TJP1: variants seen among roughly 807,000 people sequenced by gnomAD.
TJP1 encodes tight junction protein ZO-1.
TJP1 carries 43 observed loss-of-function variants against 194.2 expected under a neutral mutation model. The ratio of observed to expected loss-of-function variants is 0.22; its 90% CI spans 0.17 to 0.29. TJP1 has a LOEUF of 0.29. TJP1 is among the 10% of genes least tolerant of loss of function. The pLI is 1.00. For synonymous variants in TJP1, 801 were observed against 779.0 expected (o/e 1.03, Z -0.47); for missense variants, 1,971 against 2,185.7 (o/e 0.90, Z 1.96).
chr15:29,809,983 T>C (rs902733073), intron 1 of TJP1, among the ~76,000 whole-genome samples: 1 of 152,238 alleles, frequency 6.6e-6, no homozygotes, highest in African/African-American at 2.4e-5. Context: ...GAGTATTCCA[T>C]TCTATCTCTT....
At chr15:29,892,053 A>C (rs970014890) in intron 2 of TJP1, among the ~76,000 whole-genome samples, 1 of 152,294 alleles carries the variant, frequency 6.6e-6, no homozygotes, top group Non-Finnish European at 1.5e-5. Flanking sequence ...TATGAATGCA[A>C]AGGAAAAGTT....
chr15:29,835,812 T>G, intron 2 of TJP1, among the ~76,000 whole-genome samples: 1 of 152,108 alleles, frequency 6.6e-6, no homozygotes, highest in Non-Finnish European at 1.5e-5. Flanking sequence ...TTAGCAACAT[T>G]TAGCATACTT....
chr15:29,853,354 G>A (rs1431372131), intron 2 of TJP1, among the ~76,000 whole-genome samples: 1 of 152,152 alleles, frequency 6.6e-6, no homozygotes, highest in East Asian at 1.9e-4. Flanking sequence ...GTAGATACGT[G>A]AACCAATGCA....
chr15:29,943,935 G>A (rs993246040), intron 2 of TJP1, among the ~76,000 whole-genome samples: 3 of 151,860 alleles, frequency 2.0e-5, no homozygotes, highest in Non-Finnish European at 4.4e-5. Context: ...GTGACGGAGC[G>A]AGACTCCATC....
chr15:29,777,002 C>T (rs1364082614), intron 2 of TJP1, among the ~76,000 whole-genome samples: 1 of 152,022 alleles, frequency 6.6e-6, no homozygotes, highest in African/African-American at 2.4e-5. Flanking sequence ...AACAATTGTT[C>T]AAGTAAAAGT....
At chr15:29,961,388 C>CCGGACTG (rs1221005010) in intron 1 of TJP1, among the ~76,000 whole-genome samples, 2 of 119,706 alleles carry the variant, frequency 1.7e-5, no homozygotes, top group African/African-American at 6.3e-5. Flanking sequence ...GTCGCCCAGG[C>CCGGACTG]CGGACTGCGG....
intron 3 of TJP1, 68 bp downstream of exon 3, chr15:29,773,165 A>C: frequency 6.3e-7 from 1 of 1,583,616 alleles, no homozygotes; most frequent in Non-Finnish European, 8.6e-7. Flanking sequence ...AGTGTAAGAC[A>C]GTACGCCAGT....
At chr15:29,865,615 C>T (rs1029413971) in intron 2 of TJP1, among the ~76,000 whole-genome samples, 2 of 152,122 alleles carry the variant, frequency 1.3e-5, no homozygotes, top group Non-Finnish European at 2.9e-5. Flanking sequence ...ATATGTAGAA[C>T]ATCTGCAAAC....
intron 2 of TJP1, among the ~76,000 whole-genome samples, chr15:29,777,594 A>G (rs1320183639): frequency 6.6e-6 from 1 of 152,226 alleles, no homozygotes; most frequent in African/African-American, 2.4e-5. Context: ...CAGAAACATT[A>G]AAGTATAACA....
At chr15:29,868,958 C>A (rs1353491665) in intron 2 of TJP1, among the ~76,000 whole-genome samples, 1 of 151,844 alleles carries the variant, frequency 6.6e-6, no homozygotes, top group East Asian at 1.9e-4. Flanking sequence ...ATCACAACAA[C>A]AAATTAAAAA....
At chr15:29,799,559 C>T (rs2048644579) in intron 2 of TJP1, among the ~76,000 whole-genome samples, 2 of 151,882 alleles carry the variant, frequency 1.3e-5, no homozygotes, top group Non-Finnish European at 2.9e-5. Flanking sequence ...GGACTACAGG[C>T]ACCCGCCACC....
At chr15:29,851,372 CT>C in intron 2 of TJP1, among the ~76,000 whole-genome samples, 2 of 150,762 alleles carry the variant, frequency 1.3e-5, no homozygotes, top group Middle Eastern at 6.8e-3. Flanking sequence ...AATTTGATAA[CT>C]CAGAAGAAAT....
chr15:29,961,662 G>C (rs1274875408), intron 1 of TJP1, among the ~76,000 whole-genome samples: 1 of 152,108 alleles, frequency 6.6e-6, no homozygotes, highest in East Asian at 1.9e-4. Context: ...ACCCCTACCG[G>C]ATGAACACAG....
At chr15:29,811,921 CATAA>C (rs1040457593) in intron 1 of TJP1, among the ~76,000 whole-genome samples, 2 of 152,140 alleles carry the variant, frequency 1.3e-5, no homozygotes, top group African/African-American at 2.4e-5. Context: ...AACCTTTGTC[CATAA>C]ATAAACAAGT....
At chr15:29,863,226 G>A (rs1461122325) in intron 2 of TJP1, among the ~76,000 whole-genome samples, 1 of 151,938 alleles carries the variant, frequency 6.6e-6, no homozygotes, top group Non-Finnish European at 1.5e-5. Flanking sequence ...AACCCAGGAG[G>A]CGGATGTTGC....
At chr15:29,798,581 G>C (rs945945821) in intron 2 of TJP1, among the ~76,000 whole-genome samples, 2 of 152,122 alleles carry the variant, frequency 1.3e-5, no homozygotes, top group African/African-American at 4.8e-5. Flanking sequence ...CTTATACACT[G>C]CCAGTGGTGG....
Position 29,772,940 on chromosome 15 carries a change from C to T in TJP1, c.209+293G>A, listed in dbSNP as rs951292424. Among the ~76,000 whole-genome samples the T allele has an allele frequency of 6.6e-5, 10 of 151,900 alleles. 1 individual carries two copies. Among genetic ancestry groups the T allele is most frequent in the Admixed American group, 4.6e-4 (7 of 15,238 alleles). On this transcript the variant is annotated intron_variant, in intron 3 of 27. Transcript: ENST00000614355. ...CCACCATGCCCAGCTGATTTTTAAACTTCTTTTGTAGAGATGGGGATCTCA... is the reference window on the plus strand; with the variant it reads ...CCACCATGCCCAGCTGATTTTTAAATTTCTTTTGTAGAGATGGGGATCTCA...
chr15:29,803,104 T>C (rs967391451), intron 1 of TJP1, among the ~76,000 whole-genome samples: 2 of 152,194 alleles, frequency 1.3e-5, no homozygotes, highest in Non-Finnish European at 2.9e-5. Flanking sequence ...AATGTTAACA[T>C]TGTTTATCAC....
At chr15:29,772,683 AT>A (rs1193932446) in intron 3 of TJP1, among the ~76,000 whole-genome samples, 7 of 151,884 alleles carry the variant, frequency 4.6e-5, no homozygotes, top group Non-Finnish European at 1.0e-4. Context: ...GGAGTTATAC[AT>A]TTTCTTTTTC....
Sources: gnomAD v4.1 joint callset for allele counts (sites outside exome capture counted in the v4.1 genomes callset) on GRCh38, gnomAD v4.1.1 for gene constraint, MANE v1.5 for transcripts, NCBI Gene and HGNC (gene_info 2026-07-23, HGNC 2026-07-21) for gene names.